The following BACH2 variants were observed in gnomAD, a reference collection of about 807,000 sequenced individuals.
The protein encoded by BACH2 is BACH transcriptional regulator 2, also known as transcription regulator protein BACH2.
Under a neutral mutation model 61.8 loss-of-function variants are expected in BACH2, and 5 were observed. The ratio of observed to expected loss-of-function variants is 0.08; its 90% CI spans 0.04 to 0.17. The LOEUF is 0.17. Among genes scored for constraint, BACH2 ranks in the 10% least tolerant of loss-of-function variants. The pLI, the probability that BACH2 is intolerant of heterozygous loss-of-function variation, is 1.00. For synonymous variants in BACH2, 446 were observed against 440.1 expected (o/e 1.01, Z -0.17); for missense variants, 824 against 1,091.1 (o/e 0.76, Z 3.45).
intron 7 of BACH2, among the ~76,000 whole-genome samples, chr6:89,939,864 G>T (rs1367027573): frequency 1.6e-5 from 2 of 126,278 alleles, no homozygotes; most frequent in African/African-American, 6.1e-5. Flanking sequence ...GAGGTCTTGC[G>T]CCACAGAGAA....
chr6:90,264,744 T>G (rs923228672), intron 2 of BACH2, among the ~76,000 whole-genome samples: 1 of 152,174 alleles, frequency 6.6e-6, no homozygotes, highest in Non-Finnish European at 1.5e-5. Flanking sequence ...AAGCTGTCCC[T>G]TTGGGGTTTC....
At chr6:90,058,726 C>T (rs1780511656) in intron 5 of BACH2, among the ~76,000 whole-genome samples, 1 of 152,186 alleles carries the variant, frequency 6.6e-6, no homozygotes, top group Non-Finnish European at 1.5e-5. Context: ...TCAAACTATA[C>T]TACAAGGCTA....
intron 5 of BACH2, among the ~76,000 whole-genome samples, chr6:90,027,811 G>A (rs531203121): frequency 6.6e-6 from 1 of 152,290 alleles, no homozygotes; most frequent in East Asian, 1.9e-4. Context: ...AAGCAATAAA[G>A]TATTTAGGAT....
At chr6:90,090,206 C>A (rs970560023) in intron 4 of BACH2, among the ~76,000 whole-genome samples, 1 of 151,848 alleles carries the variant, frequency 6.6e-6, no homozygotes, top group Non-Finnish European at 1.5e-5. Flanking sequence ...TGTATTATAC[C>A]CCATAGAAAT....
At chr6:90,147,303 T>C (rs1784654809) in intron 4 of BACH2, among the ~76,000 whole-genome samples, 1 of 152,208 alleles carries the variant, frequency 6.6e-6, no homozygotes, top group South Asian at 2.1e-4. Flanking sequence ...TCAGATGGCC[T>C]TTTTCTGCCA....
chr6:90,087,205 C>T (rs1162498446), intron 5 of BACH2, among the ~76,000 whole-genome samples: 2 of 152,150 alleles, frequency 1.3e-5, no homozygotes, highest in African/African-American at 4.8e-5. Flanking sequence ...TGATTATTCT[C>T]AACTCCAGAG....
At chr6:90,064,702 C>T (rs766932515) in intron 5 of BACH2, among the ~76,000 whole-genome samples, 9 of 152,084 alleles carry the variant, frequency 5.9e-5, no homozygotes, top group African/African-American at 1.2e-4. Context: ...CATAGTTAAA[C>T]GCTAAAGATC....
chr6:89,968,254 T>C (rs940822871), intron 6 of BACH2, among the ~76,000 whole-genome samples: 1 of 152,208 alleles, frequency 6.6e-6, no homozygotes, highest in Middle Eastern at 3.2e-3. Context: ...ACCTGGACAA[T>C]CAGCACTTGC....
At chr6:89,935,429 C>G (rs1397807045) in intron 8 of BACH2, among the ~76,000 whole-genome samples, 1 of 152,188 alleles carries the variant, frequency 6.6e-6, no homozygotes, top group African/African-American at 2.4e-5. Context: ...CCCTCCAGGC[C>G]TACTCATCTG....
intron 5 of BACH2, among the ~76,000 whole-genome samples, chr6:90,059,991 G>T (rs1199683159): frequency 9.3e-6 from 1 of 107,172 alleles, no homozygotes; most frequent in Non-Finnish European, 1.8e-5. Flanking sequence ...GGGGGGAGGG[G>T]GGAGGGATAG....
At chr6:90,126,993 GA>G in intron 4 of BACH2, among the ~76,000 whole-genome samples, 1 of 152,192 alleles carries the variant, frequency 6.6e-6, no homozygotes, top group Non-Finnish European at 1.5e-5. Context: ...TTAAAGGGGG[GA>G]TGGCAAGCTG....
intron 5 of BACH2, among the ~76,000 whole-genome samples, chr6:90,035,414 T>G (rs974459001): frequency 6.6e-6 from 1 of 152,154 alleles, no homozygotes; most frequent in Non-Finnish European, 1.5e-5. Context: ...TCCACAGATA[T>G]AAAAATCACT....
At chr6:90,269,150 A>T (rs1423710189) in intron 2 of BACH2, among the ~76,000 whole-genome samples, 1 of 152,158 alleles carries the variant, frequency 6.6e-6, no homozygotes, top group East Asian at 1.9e-4. Context: ...AGAAAACAGT[A>T]ACAGAGACAA....
intron 4 of BACH2, among the ~76,000 whole-genome samples, chr6:90,205,739 G>T (rs1161406215): frequency 1.3e-5 from 2 of 149,748 alleles, no homozygotes; most frequent in African/African-American, 4.9e-5. Flanking sequence ...TTCCCATCTA[G>T]GATCCTACTC....
At chr6:89,940,808 C>G (rs1421623955) in intron 7 of BACH2, among the ~76,000 whole-genome samples, 2 of 151,164 alleles carry the variant, frequency 1.3e-5, no homozygotes, top group Non-Finnish European at 2.9e-5. Flanking sequence ...GATAAAAATA[C>G]TTCCAACATA....
intron 6 of BACH2, among the ~76,000 whole-genome samples, chr6:89,981,870 A>G (rs1775977651): frequency 6.6e-6 from 1 of 152,190 alleles, no homozygotes; most frequent in African/African-American, 2.4e-5. Flanking sequence ...GGAGCTCCTG[A>G]TAACCAACTC....
chr6:89,975,901 A>T (rs1006830819), intron 6 of BACH2, among the ~76,000 whole-genome samples: 1 of 152,260 alleles, frequency 6.6e-6, no homozygotes, highest in African/African-American at 2.4e-5. Context: ...TTCATAATAC[A>T]GTCTATGTGT....
chr6:90,033,711 C>T (rs537187501), intron 5 of BACH2, among the ~76,000 whole-genome samples: 35 of 151,858 alleles, frequency 2.3e-4, no homozygotes, highest in South Asian at 4.2e-4. Flanking sequence ...TAAAAAAAAA[C>T]GTAAGTTTCT....
At chr6:90,249,495 G>A (rs1359891171) in intron 3 of BACH2, among the ~76,000 whole-genome samples, 1 of 152,164 alleles carries the variant, frequency 6.6e-6, no homozygotes, top group African/African-American at 2.4e-5. Flanking sequence ...AACAGGCCAG[G>A]CGCAGTGGCT....
Sources: allele counts gnomAD v4.1 joint callset (sites outside exome capture counted in the v4.1 genomes callset), GRCh38; gene constraint gnomAD v4.1.1; transcripts MANE v1.5; gene names NCBI Gene and HGNC (gene_info 2026-07-23, HGNC 2026-07-21).